Variants in PAX7 observed in about 807,000 individuals in gnomAD.
The protein encoded by PAX7 is paired box protein Pax-7.
PAX7 carries 18 observed loss-of-function variants against 50.7 expected under a neutral mutation model. The ratio of observed to expected loss-of-function variants is 0.36; its 90% CI spans 0.25 to 0.53. The LOEUF is 0.53. Among genes scored for constraint, PAX7 ranks in the 20% least tolerant of loss-of-function variants. The probability of loss-of-function intolerance (pLI) is 0.93; values close to 1 mark genes in which losing one functional copy is unlikely to be tolerated. For missense variants in PAX7, 644 were observed against 702.9 expected, an observed-to-expected ratio of 0.92 and a Z score of 0.95; for synonymous variants, 310 against 290.4, an observed-to-expected ratio of 1.07 and a Z score of -0.69.
chr1:18,714,971 T>C (rs9439728), intron 7 of PAX7, among the ~76,000 whole-genome samples: 5,640 of 152,286 alleles, frequency 0.037, 369 homozygotes, highest in African/African-American at 0.13. Flanking sequence ...GCAGGCAGAC[T>C]TAGAGTTTCT....
chr1:18,685,101 G>A (rs181867121), intron 4 of PAX7, among the ~76,000 whole-genome samples: 1 of 152,308 alleles, frequency 6.6e-6, no homozygotes, highest in African/African-American at 2.4e-5. Flanking sequence ...CCGGGAACTT[G>A]CTGTAGCCAT....
Position 18,737,890 on chromosome 1 carries a change from A to G in PAX7, c.1402+2012A>G, listed in dbSNP as rs144785494. Among the ~76,000 whole-genome samples, 279 of 152,360 alleles carry G rather than the reference A, an allele frequency of 1.8e-3. 1 individual carries two copies. Among genetic ancestry groups the G allele is most frequent in the South Asian group, 0.012 (57 of 4,824 alleles). On this transcript the variant is annotated intron_variant, in intron 8 of 8. Coordinates refer to ENST00000420770, the MANE Select transcript of PAX7 (RefSeq NM_001135254.2). ...AATGAATATGTATGCGTGTGTATAG[A>G]TGTATATGAGTGTGCAAACATGTGA...
chr1:18,637,832 C>A (rs1436393847), intron 4 of PAX7, among the ~76,000 whole-genome samples: 1 of 152,238 alleles, frequency 6.6e-6, no homozygotes. Context: ...GACAAAAGGG[C>A]GAGGGAAGAA....
At chr1:18,703,319 C>T (rs767290712) in intron 7 of PAX7, 23 bp downstream of exon 7, 37 of 1,604,662 alleles carry the variant, frequency 2.3e-5, no homozygotes, top group Admixed American at 3.3e-5. Context: ...AGCCCAGCAC[C>T]CAGGATCCCA....
chr1:18,722,066 G>T (rs1222213319), intron 7 of PAX7, among the ~76,000 whole-genome samples: 1 of 152,186 alleles, frequency 6.6e-6, no homozygotes, highest in Non-Finnish European at 1.5e-5. Flanking sequence ...GCTTCCCAGG[G>T]CTGTTGTGAG....
intron 6 of PAX7, among the ~76,000 whole-genome samples, chr1:18,701,412 ATGAG>A (rs935457428): frequency 8.7e-5 from 13 of 149,760 alleles, no homozygotes; most frequent in East Asian, 2.0e-4. Context: ...GTGTGTGCGT[ATGAG>A]TGAGTGAATG....
At chr1:18,705,749 A>G (rs2089274970) in intron 7 of PAX7, among the ~76,000 whole-genome samples, 1 of 152,132 alleles carries the variant, frequency 6.6e-6, no homozygotes, top group Admixed American at 6.5e-5. Context: ...CGTGTTTTCC[A>G]TCCTCTCCTG....
At chr1:18,692,049 G>T in intron 5 of PAX7, 96 bp downstream of exon 5, 2 of 1,194,856 alleles carry the variant, frequency 1.7e-6, no homozygotes, top group Non-Finnish European at 2.4e-6. Context: ...GGACCCCTCG[G>T]GGGGTTTACA....
At chr1:18,742,588 T>C (rs1343540574) in intron 8 of PAX7, among the ~76,000 whole-genome samples, 1 of 151,884 alleles carries the variant, frequency 6.6e-6, no homozygotes, top group African/African-American at 2.4e-5. Flanking sequence ...TCACACAGAG[T>C]AAGGGGCAGA....
rs1020809337 is a variant in PAX7, at chr1:18,700,483, A to G, written c.787-170A>G. 6.6e-6 allele frequency among the ~76,000 whole-genome samples: 1 copy of G among 152,116 alleles called. No homozygotes were observed. Among genetic ancestry groups the G allele is most frequent in the Admixed American group, 6.5e-5 (1 of 15,276 alleles). On this transcript the variant is annotated intron_variant, in intron 5 of 8. Transcript: ENST00000420770. This position sits in a 1 kb window ranked among gnomAD's most constrained non-coding sequence, Gnocchi z 4.8. ...GGTTGTGAGGGCAGAATGGGGTCAT[A>G]CCTATGAAATCACTCTGCAAAGCGT...
At chr1:18,671,820 T>A (rs1394029882) in intron 4 of PAX7, among the ~76,000 whole-genome samples, 9 of 144,680 alleles carry the variant, frequency 6.2e-5, no homozygotes, top group Middle Eastern at 3.2e-3. Flanking sequence ...AAAAAAAAAA[T>A]TAAAAAATGA....
intron 4 of PAX7, among the ~76,000 whole-genome samples, chr1:18,661,711 C>T (rs1382080313): frequency 3.9e-5 from 6 of 152,354 alleles, no homozygotes; most frequent in African/African-American, 1.4e-4. Flanking sequence ...TTTCTGGCTG[C>T]AGCACACAAG....
intron 8 of PAX7, among the ~76,000 whole-genome samples, chr1:18,738,333 A>C (rs1003620177): frequency 6.6e-6 from 1 of 152,164 alleles, no homozygotes; most frequent in African/African-American, 2.4e-5. Flanking sequence ...CGGCAGCGGC[A>C]GCCCCGGCCT....
At chr1:18,721,920 T>G (rs1373342884) in intron 7 of PAX7, among the ~76,000 whole-genome samples, 1 of 152,088 alleles carries the variant, frequency 6.6e-6, no homozygotes, top group Non-Finnish European at 1.5e-5. Context: ...GAGTTAGAAT[T>G]GGTCGTGTTA....
At chr1:18,706,657 A>G (rs2100335650) in intron 7 of PAX7, among the ~76,000 whole-genome samples, 1 of 151,184 alleles carries the variant, frequency 6.6e-6, no homozygotes, top group South Asian at 2.1e-4. Flanking sequence ...TAATTTTTGT[A>G]TATTTAGTAG....
chr1:18,632,892 T>G lies in PAX7; in HGVS notation c.85+1204T>G, dbSNP rs538181400. Among the ~76,000 whole-genome samples, 98 of 152,258 alleles carry G rather than the reference T, an allele frequency of 6.4e-4. No individual in the cohort carries two copies. Among genetic ancestry groups the G allele is most frequent in the Non-Finnish European group, 1.2e-3 (84 of 68,020 alleles). ...CCGGGGATTTGCAGTGGCACTCTCC[T>G]GTAGCGAATGCAAGTAAAACAGGCG... On this transcript the variant is annotated intron_variant, in intron 1 of 8. Coordinates refer to ENST00000420770, the MANE Select transcript of PAX7 (RefSeq NM_001135254.2). The surrounding 1 kb of genome is among the most constrained non-coding windows in gnomAD (Gnocchi z 6.3).
intron 4 of PAX7, among the ~76,000 whole-genome samples, chr1:18,643,078 G>A (rs573919531): frequency 6.6e-6 from 1 of 152,156 alleles, no homozygotes; most frequent in East Asian, 1.9e-4. Flanking sequence ...CTACAGCCTC[G>A]GGAGGGGTGA....
intron 7 of PAX7, among the ~76,000 whole-genome samples, chr1:18,715,327 A>G (rs2089405783): frequency 2.0e-5 from 3 of 152,362 alleles, no homozygotes; most frequent in African/African-American, 7.2e-5. Context: ...AAATGTATAT[A>G]TTGATATAAG....
rs370194632 is a variant in PAX7 at position 18,687,645 on chromosome 1, A to G, written c.587-4109A>G. 3.6e-4 allele frequency among the ~76,000 whole-genome samples: 55 copies of G among 151,916 alleles called. No individual in the cohort carries two copies. In the South Asian group the frequency reaches 0.011, roughly 30 times the overall value. On this transcript the variant is annotated intron_variant, in intron 4 of 8. Coordinates refer to ENST00000420770, the MANE Select transcript of PAX7 (RefSeq NM_001135254.2). ...GTGGATGCTCTTTTTTAGGGGTTGAAGTCACAAACAAACTGCAGTTCTGTT... is the reference window on the plus strand; with the variant it reads ...GTGGATGCTCTTTTTTAGGGGTTGAGGTCACAAACAAACTGCAGTTCTGTT...
Sources: gnomAD v4.1 joint callset for allele counts (sites outside exome capture counted in the v4.1 genomes callset) on GRCh38, gnomAD v4.1.1 for gene constraint, Gnocchi (gnomAD v3.1) non-coding constraint, MANE v1.5 for transcripts, NCBI Gene and HGNC (gene_info 2026-07-23, HGNC 2026-07-21) for gene names.